Variants in ZNF638 observed in about 807,000 individuals in gnomAD.
ZNF638 encodes the protein zinc finger protein 638.
ZNF638 carries 46 observed loss-of-function variants against 195.6 expected under a neutral mutation model. The observed-to-expected ratio is 0.24, with a 90% CI of 0.19 to 0.30. ZNF638 has a LOEUF of 0.30. Among genes scored for constraint, ZNF638 ranks in the 10% least tolerant of loss-of-function variants. ZNF638 has a pLI of 1.00. For missense variants in ZNF638, 2,440 were observed against 2,325.3 expected (o/e 1.05, Z -1.01); for synonymous variants, 845 against 772.0 (o/e 1.09, Z -1.57).
At chr2:71,357,988 G>T (rs1256893866) in intron 3 of ZNF638, among the ~76,000 whole-genome samples, 2 of 152,114 alleles carry the variant, frequency 1.3e-5, no homozygotes, top group Non-Finnish European at 2.9e-5. Context: ...GAGTCCAGAA[G>T]TCTGAAATCA....
intron 1 of ZNF638, among the ~76,000 whole-genome samples, chr2:71,337,180 A>G (rs547129006): frequency 6.6e-6 from 1 of 151,800 alleles, no homozygotes; most frequent in African/African-American, 2.4e-5. Context: ...AGAAGATCAC[A>G]TAGTCCAATG....
intron 8 of ZNF638, among the ~76,000 whole-genome samples, chr2:71,376,653 C>G (rs980303639): frequency 6.6e-6 from 1 of 152,140 alleles, no homozygotes; most frequent in African/African-American, 2.4e-5. Flanking sequence ...CTAACTCTAG[C>G]TGTGTTTCAT....
intron 27 of ZNF638, chr2:71,433,669 C>G (rs1387083895): frequency 6.3e-6 from 1 of 158,344 alleles, no homozygotes; most frequent in African/African-American, 2.4e-5. Context: ...ATCACAAAAC[C>G]TTTTCTAAAT....
intron 16 of ZNF638, among the ~76,000 whole-genome samples, chr2:71,402,452 T>G (rs1369116533): frequency 2.0e-5 from 3 of 152,136 alleles, no homozygotes; most frequent in Non-Finnish European, 4.4e-5. Context: ...CATAAGTATA[T>G]ATATGAGAAA....
At chr2:71,355,384 T>C (rs550180505) in intron 2 of ZNF638, among the ~76,000 whole-genome samples, 3 of 152,130 alleles carry the variant, frequency 2.0e-5, no homozygotes, top group African/African-American at 7.2e-5. Flanking sequence ...TCTGGTGTGT[T>C]GTTTTTATAT....
chr2:71,390,468 G>A (rs779739920), intron 10 of ZNF638, among the ~76,000 whole-genome samples: 66 of 152,154 alleles, frequency 4.3e-4, no homozygotes, highest in African/African-American at 1.3e-3. Context: ...TGCTCACCAG[G>A]GTAATTGATA....
At chr2:71,408,085 T>C in intron 19 of ZNF638, 37 bp from the exon 20 acceptor site, 1 of 1,582,920 alleles carries the variant, frequency 6.3e-7, no homozygotes, top group South Asian at 1.2e-5. Flanking sequence ...CCAATTTTTT[T>C]AAAGAACTAT....
rs1165436022 is a variant in ZNF638 at position 71,434,999 on chromosome 2, G to A, written c.*192G>A. The A allele has an allele frequency of 6.0e-6, 3 of 498,260 alleles. No homozygotes were observed. The highest frequency in any genetic ancestry group is 2.0e-5 in the African/African-American group (1 of 49,792). 30.9% of individuals were successfully genotyped at this position (498,260 alleles called of 1,614,324 possible). A position where few individuals can be genotyped will look rare whatever the true frequency, so the allele number is the denominator to read the frequency against. On this transcript the variant is annotated 3_prime_UTR_variant, in exon 28 of 28. Coordinates refer to ENST00000264447, the MANE Select transcript of ZNF638 (RefSeq NM_014497.5). The stretch of plus-strand genomic sequence containing the variant: ...TTTGATTTTTATATCAAATCATCAG[G>A]CATGGAGAAATATCTTTTAGAAGTG...
chr2:71,367,751 T>TA (rs1553471477), intron 6 of ZNF638, among the ~76,000 whole-genome samples: 10 of 149,468 alleles, frequency 6.7e-5, no homozygotes, highest in African/African-American at 2.5e-4. Context: ...TTTTTTTTTT[T>TA]AAAAATATAG....
At chr2:71,420,539 T>G (rs900319196) in intron 21 of ZNF638, among the ~76,000 whole-genome samples, 4 of 152,216 alleles carry the variant, frequency 2.6e-5, no homozygotes, top group Non-Finnish European at 5.9e-5. Context: ...GTGTTAACGT[T>G]TGTTCTAATG....
chr2:71,336,444 A>G (rs888027292), intron 1 of ZNF638, among the ~76,000 whole-genome samples: 6 of 152,062 alleles, frequency 3.9e-5, no homozygotes, highest in Non-Finnish European at 7.4e-5. Flanking sequence ...CTAGATCTCA[A>G]TATAGGAAAT....
Position 71,331,872 on chromosome 2 carries a change from A to G in ZNF638, c.-206A>G. 2 of 986,368 alleles carry G rather than the reference A, an allele frequency of 2.0e-6. No homozygotes were observed. Among genetic ancestry groups the G allele is most frequent in the Non-Finnish European group, 2.4e-6 (2 of 830,334 alleles). The allele number at this position is 986,368 out of a possible 1,614,324, so 61.1% of individuals were successfully genotyped here. On this transcript the variant is annotated 5_prime_UTR_variant, in exon 1 of 28. Transcript: ENST00000264447. ...GGATCCAGCTGTTAGTCGGGTAGGC[A>G]TAGGTAGGACCGCTGCCCTGTGGGG...
intron 1 of ZNF638, among the ~76,000 whole-genome samples, chr2:71,340,541 G>C (rs1045922782): frequency 2.0e-5 from 3 of 152,162 alleles, no homozygotes; most frequent in Admixed American, 2.0e-4. Flanking sequence ...TATATTCTGA[G>C]ACAAACAGTG....
chr2:71,380,486 TGCTAA>T (rs774571879), intron 9 of ZNF638, 22 bp from the exon 10 acceptor site: 1 of 1,573,110 alleles, frequency 6.4e-7, no homozygotes, highest in South Asian at 1.2e-5. Flanking sequence ...CCTAAGTTGC[TGCTAA>T]ATTTTTTCTC....
At chr2:71,352,546 G>T (rs2078961199) in intron 2 of ZNF638, among the ~76,000 whole-genome samples, 1 of 151,262 alleles carries the variant, frequency 6.6e-6, no homozygotes, top group African/African-American at 2.4e-5. Flanking sequence ...ATACAGAGAG[G>T]CAGAGGTCCG....
In ZNF638 at chr2:71,423,459, T is replaced by G; in HGVS notation, c.3945T>G (p.Phe1315Leu). ...GNMDEKEEKE[F>L]NTKETRMDLQ... ...TGGATGAAAAGGAGGAGAAGGAATTTAATACTAAGGAAACCAGAATGGATC... is the reference window on the plus strand; with the variant it reads ...TGGATGAAAAGGAGGAGAAGGAATTGAATACTAAGGAAACCAGAATGGATC... The change falls in exon 22 of 28, where the codon TTT (phenylalanine) becomes TTG (leucine). Residue 1315 changes from phenylalanine (F) to leucine (L), a missense_variant. Phe to Leu is a conservative substitution (Grantham distance 22). This residue lies in a region of ZNF638 where 1,883 missense variants were observed against 1,739.1 expected (regional missense o/e 1.08). Coordinates refer to ENST00000264447, the MANE Select transcript of ZNF638 (RefSeq NM_014497.5). 1 of 1,613,352 alleles carries G rather than the reference T, an allele frequency of 6.2e-7. No individual in the cohort carries two copies. Among genetic ancestry groups the G allele is most frequent in the Non-Finnish European group, 8.5e-7 (1 of 1,179,852 alleles).
rs2080016288 is a variant in ZNF638 at position 71,401,971 on chromosome 2, T to C, written c.2713T>C (p.Cys905Arg). ...TGTTTTGAAGGAAACAGAAGAAATG[T>C]GTGTGATGCTTGTCTCTAATTTGCC... ...EPLNKETEEM[C>R]VMLVSNLPNK... The change falls in exon 16 of 28, where the codon TGT becomes CGT. Residue 905 changes from cysteine (C) to arginine (R), a missense_variant. Transcript: ENST00000264447. The C allele has an allele frequency of 6.3e-7, 1 of 1,578,974 alleles. No homozygotes were observed. Among genetic ancestry groups the C allele is most frequent in the Non-Finnish European group, 8.6e-7 (1 of 1,164,294 alleles).
chr2:71,410,828 C>G lies in ZNF638; in HGVS notation c.3261+2581C>G, dbSNP rs572852931. On this transcript the variant is annotated intron_variant, in intron 20 of 27. Transcript: ENST00000264447. ...AGGGGAGATTTTTAGGCAGAAGAAC[C>G]AGATCAAAGGCTTTAGGGACATACT... Among the ~76,000 whole-genome samples the G allele has an allele frequency of 1.8e-3, 280 of 152,008 alleles. 8 individuals carry two copies. The highest frequency in any genetic ancestry group is 6.8e-3 in the Middle Eastern group (2 of 294).
intron 1 of ZNF638, among the ~76,000 whole-genome samples, chr2:71,336,827 C>T (rs2078679557): frequency 6.6e-6 from 1 of 152,188 alleles, no homozygotes; most frequent in South Asian, 2.1e-4. Flanking sequence ...AATGTAGGGT[C>T]TAAGTTCTTA....
Sources: gnomAD v4.1 joint callset for allele counts (sites outside exome capture counted in the v4.1 genomes callset) on GRCh38, gnomAD v4.1.1 for gene constraint, gnomAD v4.1.1 regional missense constraint, MANE v1.5 for transcripts, NCBI Gene and HGNC (gene_info 2026-07-23, HGNC 2026-07-21) for gene names.